Variants in ARID4B observed in about 807,000 individuals in gnomAD.
ARID4B encodes the protein AT-rich interaction domain 4B.
A neutral mutation model predicts 147.5 loss-of-function variants in ARID4B; 26 were observed. The observed-to-expected ratio is 0.18, with a 90% CI of 0.13 to 0.24. The LOEUF (loss-of-function observed/expected upper bound fraction) is 0.24. ARID4B is among the 10% of genes least tolerant of loss of function. The pLI is 1.00. For missense variants in ARID4B, 1,179 were observed against 1,511.5 expected (o/e 0.78, Z 3.65); for synonymous variants, 512 against 507.9 (o/e 1.01, Z -0.11).
At chr1:235,170,552 C>T (rs1039075599) in intron 23 of ARID4B, among the ~76,000 whole-genome samples, 4 of 152,016 alleles carry the variant, frequency 2.6e-5, no homozygotes, top group Admixed American at 1.3e-4. Context: ...TCCTGGCTAA[C>T]ACAATGAAAC....
At chr1:235,244,064 T>C (rs983219862) in intron 7 of ARID4B, among the ~76,000 whole-genome samples, 6 of 152,202 alleles carry the variant, frequency 3.9e-5, no homozygotes, top group African/African-American at 1.4e-4. Flanking sequence ...GAGTAAATTT[T>C]ATGATACATG....
At chr1:235,169,316 C>T (rs1336461917) in intron 23 of ARID4B, among the ~76,000 whole-genome samples, 3 of 151,830 alleles carry the variant, frequency 2.0e-5, no homozygotes, top group Non-Finnish European at 4.4e-5. Context: ...TCTTGGCTCA[C>T]TAAAAGTTCT....
At chr1:235,231,273 C>T (rs1668217656) in intron 9 of ARID4B, 84 bp from the exon 10 acceptor site, 1 of 718,662 alleles carries the variant, frequency 1.4e-6, no homozygotes, top group African/African-American at 1.8e-5. Context: ...GATTACATAT[C>T]ACAGAAAGAT....
intron 2 of ARID4B, among the ~76,000 whole-genome samples, chr1:235,288,155 TA>T (rs1672108033): frequency 6.6e-6 from 1 of 152,000 alleles, no homozygotes; most frequent in Admixed American, 6.6e-5. Flanking sequence ...ATTAAAGAAA[TA>T]TAAAAATTAG....
intron 2 of ARID4B, among the ~76,000 whole-genome samples, chr1:235,310,487 G>C (rs1435774243): frequency 1.3e-5 from 2 of 152,072 alleles, no homozygotes; most frequent in Non-Finnish European, 2.9e-5. Flanking sequence ...CCATAAAAAG[G>C]GAAAAATGTT....
chr1:235,219,691 AT>A, intron 16 of ARID4B, 101 bp downstream of exon 16: 1 of 935,310 alleles, frequency 1.1e-6, no homozygotes, highest in South Asian at 1.7e-5. Flanking sequence ...ATTATTTAAT[AT>A]TTTGTCAATT....
intron 19 of ARID4B, among the ~76,000 whole-genome samples, chr1:235,184,668 T>C (rs1053053260): frequency 6.6e-6 from 1 of 152,154 alleles, no homozygotes; most frequent in African/African-American, 2.4e-5. Context: ...TTTTAAATTA[T>C]CAAAACAATA....
intron 3 of ARID4B, among the ~76,000 whole-genome samples, chr1:235,258,545 G>A (rs1452543119): frequency 6.6e-6 from 1 of 152,066 alleles, no homozygotes; most frequent in Non-Finnish European, 1.5e-5. Flanking sequence ...TTAATTAGCT[G>A]GTGAAAAACA....
intron 4 of ARID4B, 34 bp downstream of exon 4, chr1:235,257,126 A>C (rs1301211780): frequency 1.4e-6 from 2 of 1,463,784 alleles, no homozygotes; most frequent in Non-Finnish European, 1.9e-6. Flanking sequence ...TTTCCCAAAC[A>C]ACCATTAGAA....
chr1:235,214,121 T>C, intron 16 of ARID4B, 95 bp from the exon 17 acceptor site: 1 of 1,455,666 alleles, frequency 6.9e-7, no homozygotes, highest in Non-Finnish European at 9.1e-7. Context: ...GTGGCTGTGA[T>C]TGTTCCAGGA....
chr1:235,291,898 C>T (rs1051387877), intron 2 of ARID4B, among the ~76,000 whole-genome samples: 2 of 152,042 alleles, frequency 1.3e-5, no homozygotes, highest in African/African-American at 4.8e-5. Context: ...GGAAGTAAGA[C>T]GGCAAACTTG....
At chr1:235,257,727 C>T (rs1055356312) in intron 3 of ARID4B, among the ~76,000 whole-genome samples, 1 of 152,082 alleles carries the variant, frequency 6.6e-6, no homozygotes, top group Admixed American at 6.5e-5. Flanking sequence ...GTGATCCGCC[C>T]GCCTTGACCT....
intron 7 of ARID4B, 25 bp downstream of exon 7, chr1:235,246,394 AC>A: frequency 6.6e-7 from 1 of 1,511,030 alleles, no homozygotes; most frequent in Non-Finnish European, 9.2e-7. Context: ...TTCAGGTTCA[AC>A]TAACAGTCAT....
At chr1:235,205,709 A>G (rs574189323) in intron 17 of ARID4B, among the ~76,000 whole-genome samples, 50 of 152,354 alleles carry the variant, frequency 3.3e-4, no homozygotes, top group African/African-American at 1.2e-3. Flanking sequence ...AAAAATGGCA[A>G]AAACTTGAAG....
In ARID4B at chr1:235,177,740, T is replaced by G. The variant is rs1486568632; in HGVS notation, c.3448+60A>C. The G allele has an allele frequency of 4.4e-6, 5 of 1,145,444 alleles. No individual in the cohort carries two copies. The African/African-American group carries it at 6.3e-5, about 14-fold the overall frequency. 71.0% of individuals were successfully genotyped at this position (1,145,444 alleles called of 1,614,324 possible). A position where few individuals can be genotyped will look rare whatever the true frequency, so the allele number is the denominator to read the frequency against. On this transcript the variant is annotated intron_variant, in intron 21 of 23. Transcript: ENST00000264183. ...CATACCCTGAATACCATTTTCTTAC[T>G]GGGGGTAAAATTATCAGCTATTATT...
chr1:235,304,754 CAT>C (rs1297615663), intron 2 of ARID4B, among the ~76,000 whole-genome samples: 2 of 152,188 alleles, frequency 1.3e-5, no homozygotes, highest in African/African-American at 4.8e-5. Context: ...TCACCACAAG[CAT>C]ATACCTAGCA....
chr1:235,268,186 A>G (rs1558262520), intron 2 of ARID4B, among the ~76,000 whole-genome samples: 2 of 152,216 alleles, frequency 1.3e-5, no homozygotes, highest in African/African-American at 4.8e-5. Flanking sequence ...CCCGGACCAA[A>G]TAAGTAAATG....
chr1:235,233,623 A>C (rs1390892073), intron 9 of ARID4B, among the ~76,000 whole-genome samples: 1 of 152,238 alleles, frequency 6.6e-6, no homozygotes, highest in Non-Finnish European at 1.5e-5. Flanking sequence ...CATTTTCTTA[A>C]CACTTACCAT....
chr1:235,278,401 T>C (rs1671473795), intron 2 of ARID4B, among the ~76,000 whole-genome samples: 1 of 152,084 alleles, frequency 6.6e-6, no homozygotes, highest in African/African-American at 2.4e-5. Context: ...TGAAAAACAT[T>C]TCATGGCATC....
Sources: allele counts gnomAD v4.1 joint callset (sites outside exome capture counted in the v4.1 genomes callset), GRCh38; gene constraint gnomAD v4.1.1; transcripts MANE v1.5; gene names NCBI Gene and HGNC (gene_info 2026-07-23, HGNC 2026-07-21).